The following CHST11 variants were observed in gnomAD, a reference collection of about 807,000 sequenced individuals.
CHST11 encodes the protein C4S-1.
A neutral mutation model predicts 30.4 loss-of-function variants in CHST11; 9 were observed. That is an observed-to-expected ratio of 0.30 (90% confidence interval 0.18 to 0.52). CHST11 has a LOEUF of 0.52. Among genes scored for constraint, CHST11 ranks in the 20% least tolerant of loss-of-function variants. The pLI, the probability that CHST11 is intolerant of heterozygous loss-of-function variation, is 0.97. For missense variants in CHST11, 348 were observed against 460.6 expected, an observed-to-expected ratio of 0.76 and a Z score of 2.24; for synonymous variants, 152 against 187.8, an observed-to-expected ratio of 0.81 and a Z score of 1.56.
intron 1 of CHST11, among the ~76,000 whole-genome samples, chr12:104,503,764 G>A (rs1455420268): frequency 1.3e-5 from 2 of 152,108 alleles, no homozygotes; most frequent in African/African-American, 4.8e-5. Context: ...ACATCAGCAC[G>A]GGACACAGTT....
intron 1 of CHST11, among the ~76,000 whole-genome samples, chr12:104,564,443 T>A (rs1029244621): frequency 6.6e-6 from 1 of 152,232 alleles, no homozygotes; most frequent in African/African-American, 2.4e-5. Flanking sequence ...AAAGTAGAGA[T>A]CATAGTGTCC....
intron 1 of CHST11, among the ~76,000 whole-genome samples, chr12:104,575,350 A>G (rs2038674132): frequency 6.6e-6 from 1 of 152,118 alleles, no homozygotes. Flanking sequence ...TCTTGCTATG[A>G]ACAGAAAAGG....
chr12:104,585,536 A>T (rs1430980780), intron 1 of CHST11, among the ~76,000 whole-genome samples: 1 of 152,196 alleles, frequency 6.6e-6, no homozygotes, highest in African/African-American at 2.4e-5. Flanking sequence ...GACATGGATG[A>T]ACTTATTCAG....
At chr12:104,750,308 C>T (rs1450218302) in intron 2 of CHST11, among the ~76,000 whole-genome samples, 1 of 151,428 alleles carries the variant, frequency 6.6e-6, no homozygotes, top group Non-Finnish European at 1.5e-5. Flanking sequence ...CAAGCATCTG[C>T]GTGGTTTCAG....
intron 2 of CHST11, among the ~76,000 whole-genome samples, chr12:104,755,835 G>C (rs958510807): frequency 2.6e-5 from 4 of 152,060 alleles, no homozygotes; most frequent in Non-Finnish European, 4.4e-5. Flanking sequence ...GAGATTGAGA[G>C]GGGAGAATCC....
chr12:104,648,922 G>A lies in CHST11; in HGVS notation c.204+46931G>A, dbSNP rs893585470. ...TTGTCACCCTGAGGCCTGAAGAGCCGGGGTGACAGCTGCCTGAACTGCAGT... is the reference window on the plus strand; with the variant it reads ...TTGTCACCCTGAGGCCTGAAGAGCCAGGGTGACAGCTGCCTGAACTGCAGT... On this transcript the variant is annotated intron_variant, in intron 2 of 2. Transcript: ENST00000303694. 7.2e-5 allele frequency among the ~76,000 whole-genome samples: 11 copies of A among 152,342 alleles called. No individual in the cohort carries two copies. The East Asian group carries it at 7.7e-4, about 11-fold the overall frequency.
At chr12:104,631,101 T>G (rs1231068478) in intron 2 of CHST11, among the ~76,000 whole-genome samples, 2 of 152,166 alleles carry the variant, frequency 1.3e-5, no homozygotes, top group African/African-American at 2.4e-5. Context: ...GATTTGTTGC[T>G]CCGTCTGGGA....
At chr12:104,530,031 A>G (rs979671486) in intron 1 of CHST11, among the ~76,000 whole-genome samples, 1 of 152,072 alleles carries the variant, frequency 6.6e-6, no homozygotes, top group Non-Finnish European at 1.5e-5. Context: ...TGGTGGCACA[A>G]GCCTGTAATC....
At chr12:104,667,421 A>G (rs1003989079) in intron 2 of CHST11, among the ~76,000 whole-genome samples, 3 of 152,140 alleles carry the variant, frequency 2.0e-5, no homozygotes, top group Admixed American at 1.3e-4. Flanking sequence ...CTCCAGATAA[A>G]TGTCATTGGA....
intron 2 of CHST11, among the ~76,000 whole-genome samples, chr12:104,705,105 C>T (rs1015391876): frequency 1.3e-5 from 2 of 152,194 alleles, no homozygotes; most frequent in African/African-American, 4.8e-5. Flanking sequence ...TGATTAATAA[C>T]AGCACCTTCA....
chr12:104,488,396 C>T (rs1343883364), intron 1 of CHST11, among the ~76,000 whole-genome samples: 5 of 147,044 alleles, frequency 3.4e-5, no homozygotes, highest in African/African-American at 5.0e-5. Context: ...TGTATGTGTG[C>T]GTGTGTCCAG....
intron 1 of CHST11, among the ~76,000 whole-genome samples, chr12:104,590,278 G>A (rs1399180382): frequency 1.3e-5 from 2 of 152,142 alleles, no homozygotes; most frequent in Non-Finnish European, 2.9e-5. Context: ...CATCAAGCTT[G>A]AAGCTTCCCA....
Position 104,541,130 on chromosome 12 carries a change from T to TCTCACA in CHST11, c.119-60775_119-60774insTCACAC, listed in dbSNP as rs1310906893. On this transcript the variant is annotated intron_variant, in intron 1 of 2. Coordinates refer to ENST00000303694, the MANE Select transcript of CHST11 (RefSeq NM_018413.6). Reference sequence around the variant, plus strand: ...GAATCTCTCCCTCTCTCTCTCTCTCTCACACACACACACACACACACACAC... The same window carrying TCTCACA: ...GAATCTCTCCCTCTCTCTCTCTCTCTCTCACACACACACACACACACACACACACAC... Among the ~76,000 whole-genome samples the TCTCACA allele has an allele frequency of 6.8e-5, 10 of 146,678 alleles. No homozygotes were observed. The East Asian group carries it at 1.2e-3, about 18-fold the overall frequency.
chr12:104,747,799 G>A (rs772765312), intron 2 of CHST11, among the ~76,000 whole-genome samples: 1 of 152,026 alleles, frequency 6.6e-6, no homozygotes, highest in Non-Finnish European at 1.5e-5. Context: ...CATGTCCCCC[G>A]ACTCTGCCCA....
chr12:104,585,507 G>A (rs1012616231), intron 1 of CHST11, among the ~76,000 whole-genome samples: 2 of 152,208 alleles, frequency 1.3e-5, no homozygotes, highest in African/African-American at 2.4e-5. Flanking sequence ...CCTTGGGCCA[G>A]GCCCTGCTCG....
chr12:104,531,465 CAAA>C (rs1439489189), intron 1 of CHST11, among the ~76,000 whole-genome samples: 4 of 119,890 alleles, frequency 3.3e-5, no homozygotes, highest in African/African-American at 3.3e-5. Context: ...ATCCTGTGTC[CAAA>C]AAAAAAAAAA....
chr12:104,695,465 GTGTGTGTGTA>G (rs1186613086), intron 2 of CHST11, among the ~76,000 whole-genome samples: 1 of 151,966 alleles, frequency 6.6e-6, no homozygotes, highest in East Asian at 1.9e-4. Flanking sequence ...GTGTGTGTGT[GTGTGTGTGTA>G]TGTGTCCTTG....
intron 2 of CHST11, among the ~76,000 whole-genome samples, chr12:104,738,326 C>A (rs2040318409): frequency 6.6e-6 from 1 of 152,212 alleles, no homozygotes; most frequent in Admixed American, 6.5e-5. Flanking sequence ...CCCTGTTCCC[C>A]CACCCAATCC....
intron 2 of CHST11, among the ~76,000 whole-genome samples, chr12:104,690,946 A>G (rs576927343): frequency 6.6e-6 from 1 of 152,366 alleles, no homozygotes; most frequent in South Asian, 2.1e-4. Context: ...GTTACTGCAT[A>G]TCAGAATCAT....
Sources: allele counts gnomAD v4.1 joint callset (sites outside exome capture counted in the v4.1 genomes callset), GRCh38; gene constraint gnomAD v4.1.1; transcripts MANE v1.5; gene names NCBI Gene and HGNC (gene_info 2026-07-23, HGNC 2026-07-21).